Variants in MLLT10 observed in about 807,000 individuals in gnomAD.
MLLT10 encodes MLLT10 histone lysine methyltransferase DOT1L cofactor, also known as protein AF-10.
In MLLT10, 30 loss-of-function variants were observed where a neutral mutation model predicts 129.1. The ratio of observed to expected loss-of-function variants is 0.23; its 90% CI spans 0.17 to 0.32. MLLT10 has a LOEUF of 0.32. MLLT10 is among the 10% of genes least tolerant of loss of function. The pLI, the probability that MLLT10 is intolerant of heterozygous loss-of-function variation, is 1.00. For synonymous variants in MLLT10, 490 were observed against 446.4 expected, an observed-to-expected ratio of 1.10 and a Z score of -1.23; for missense variants, 1,119 against 1,268.3, an observed-to-expected ratio of 0.88 and a Z score of 1.79.
intron 3 of MLLT10, among the ~76,000 whole-genome samples, chr10:21,543,993 T>C (rs998041295): frequency 2.6e-5 from 4 of 152,234 alleles, no homozygotes; most frequent in Non-Finnish European, 4.4e-5. Context: ...GTGCTACTTG[T>C]TCCAAAATGA....
chr10:21,626,281 C>A, intron 8 of MLLT10: 1 of 1,398,200 alleles, frequency 7.2e-7, no homozygotes, highest in South Asian at 1.2e-5. Context: ...TACAAGCTAT[C>A]AATCCAGGGC....
chr10:21,707,797 T>G (rs2131497437), intron 13 of MLLT10, among the ~76,000 whole-genome samples: 1 of 152,312 alleles, frequency 6.6e-6, no homozygotes, highest in South Asian at 2.1e-4. Context: ...CTCTCCAACT[T>G]TGTCTTTTAC....
chr10:21,631,497 A>G (rs1004185393), intron 8 of MLLT10, among the ~76,000 whole-genome samples: 9 of 151,586 alleles, frequency 5.9e-5, no homozygotes, highest in Middle Eastern at 3.4e-3. Context: ...CCATTCTCAC[A>G]CTGCTATAAA....
At chr10:21,549,292 T>C (rs1315421474) in intron 3 of MLLT10, among the ~76,000 whole-genome samples, 1 of 151,972 alleles carries the variant, frequency 6.6e-6, no homozygotes, top group Non-Finnish European at 1.5e-5. Flanking sequence ...CCTGGCGAAT[T>C]TTTTGTATTT....
At chr10:21,739,789 C>T (rs544200169) in intron 21 of MLLT10, among the ~76,000 whole-genome samples, 20 of 152,262 alleles carry the variant, frequency 1.3e-4, no homozygotes, top group Non-Finnish European at 2.5e-4. Context: ...TTGATCATCA[C>T]GGATAACCTA....
intron 5 of MLLT10, among the ~76,000 whole-genome samples, chr10:21,604,642 A>G (rs749868300): frequency 1.3e-5 from 2 of 152,226 alleles, no homozygotes; most frequent in South Asian, 2.1e-4. Flanking sequence ...AAAACAAGTT[A>G]TCTGTTTCTG....
chr10:21,550,733 T>C (rs1170260176), intron 3 of MLLT10, among the ~76,000 whole-genome samples: 2 of 151,764 alleles, frequency 1.3e-5, no homozygotes, highest in African/African-American at 4.8e-5. Context: ...GGGTTTCACA[T>C]GTTGCCCAGG....
At chr10:21,739,023 G>A (rs539429219) in intron 21 of MLLT10, among the ~76,000 whole-genome samples, 1 of 152,228 alleles carries the variant, frequency 6.6e-6, no homozygotes, top group South Asian at 2.1e-4. Flanking sequence ...GTCCAGAACC[G>A]AACAGCTGAT....
At chr10:21,534,010 C>T (rs1394183324), upstream of MLLT10, among the ~76,000 whole-genome samples, 3 of 151,610 alleles carry the variant, frequency 2.0e-5, no homozygotes, top group Admixed American at 6.6e-5. Flanking sequence ...GCCCTAACGT[C>T]CCCGCCCCCG....
rs978426925 is a variant in MLLT10, at chr10:21,741,790, T to C, written c.3163-149T>C. Reference sequence around the variant, plus strand: ...GTATTTACTAGTAAATTCATGTCTATATATTACGTTGCAAGTAGCCTTGCC... The same window carrying C: ...GTATTTACTAGTAAATTCATGTCTACATATTACGTTGCAAGTAGCCTTGCC... On this transcript the variant is annotated intron_variant, in intron 22 of 22. Transcript: ENST00000307729. 1.0e-5 allele frequency: 7 copies of C among 680,120 alleles called. No homozygotes were observed. The African/African-American group carries it at 1.3e-4, about 12-fold the overall frequency. The allele number at this position is 680,120 out of a possible 1,614,324, so 42.1% of individuals were successfully genotyped here.
In MLLT10 at chr10:21,546,544, G is replaced by A. The variant is rs187773251; in HGVS notation, c.240+7632G>A. Among the ~76,000 whole-genome samples the A allele has an allele frequency of 1.6e-3, 234 of 148,572 alleles. 1 individual carries two copies. Among genetic ancestry groups the A allele is most frequent in the African/African-American group, 5.2e-3 (210 of 40,292 alleles). On this transcript the variant is annotated intron_variant, in intron 3 of 22. Coordinates refer to ENST00000307729, the MANE Select transcript of MLLT10 (RefSeq NM_001195626.3). ...CTCAGCCTCCCGAGTAGCTGAGACT[G>A]CAGGCACGCCCCACCACTCCTGGCT...
At chr10:21,584,130 A>G (rs1162454332) in intron 3 of MLLT10, among the ~76,000 whole-genome samples, 5 of 149,732 alleles carry the variant, frequency 3.3e-5, no homozygotes, top group Admixed American at 6.7e-5. Flanking sequence ...AGCCTCCCAA[A>G]GTGCTGGGAA....
chr10:21,707,957 T>G (rs1675431670), intron 13 of MLLT10, among the ~76,000 whole-genome samples: 1 of 152,270 alleles, frequency 6.6e-6, no homozygotes, highest in Non-Finnish European at 1.5e-5. Flanking sequence ...TTTAGACAGG[T>G]CTTTCTTGCT....
chr10:21,588,587 A>G (rs1390353689), intron 4 of MLLT10, among the ~76,000 whole-genome samples: 2 of 151,900 alleles, frequency 1.3e-5, no homozygotes, highest in Admixed American at 1.3e-4. Flanking sequence ...ATTTTGATAG[A>G]TAGTCCCAAA....
intron 4 of MLLT10, among the ~76,000 whole-genome samples, chr10:21,587,715 G>A (rs6482187): frequency 0.036 from 5,520 of 152,172 alleles, 330 homozygotes; most frequent in African/African-American, 0.12. Context: ...GAGTAATGGT[G>A]TGAGTAAATA....
chr10:21,675,819 T>C (rs1317595011), intron 11 of MLLT10, among the ~76,000 whole-genome samples: 1 of 152,210 alleles, frequency 6.6e-6, no homozygotes, highest in East Asian at 1.9e-4. Context: ...AGAAATTACA[T>C]TGGAATGCTT....
intron 8 of MLLT10, among the ~76,000 whole-genome samples, chr10:21,645,468 G>T (rs904873960): frequency 2.6e-5 from 4 of 152,184 alleles, no homozygotes; most frequent in African/African-American, 7.2e-5. Context: ...CTAGAAATTT[G>T]TTCTATTTCA....
At chr10:21,695,413 A>G (rs1167270510) in intron 13 of MLLT10, among the ~76,000 whole-genome samples, 1 of 152,120 alleles carries the variant, frequency 6.6e-6, no homozygotes, top group Non-Finnish European at 1.5e-5. Context: ...CAGTACCTAG[A>G]TTAGCGTTTC....
intron 14 of MLLT10, among the ~76,000 whole-genome samples, chr10:21,725,411 C>G (rs367569546): frequency 6.9e-6 from 1 of 144,838 alleles, no homozygotes; most frequent in Non-Finnish European, 1.6e-5. Context: ...CGTGCCAGTT[C>G]TTCTTTTTTA....
Sources: gnomAD v4.1 joint callset for allele counts (sites outside exome capture counted in the v4.1 genomes callset) on GRCh38, gnomAD v4.1.1 for gene constraint, MANE v1.5 for transcripts, NCBI Gene and HGNC (gene_info 2026-07-23, HGNC 2026-07-21) for gene names.